The following TFIP11 variants were observed in gnomAD, a reference collection of about 807,000 sequenced individuals.
TFIP11 encodes tuftelin-interacting protein 11.
TFIP11 carries 86 observed loss-of-function variants against 96.8 expected under a neutral mutation model. The observed-to-expected ratio is 0.89, with a 90% CI of 0.75 to 1.06. The LOEUF (loss-of-function observed/expected upper bound fraction) is 1.06. Among genes scored for constraint, TFIP11 ranks in the 50% least tolerant of loss-of-function variants. The probability of loss-of-function intolerance (pLI) is 0.00; values close to 1 mark genes in which losing one functional copy is unlikely to be tolerated. For synonymous variants in TFIP11, 405 were observed against 395.2 expected (o/e 1.02, Z -0.29); for missense variants, 881 against 1,076.7 (o/e 0.82, Z 2.54).
intron 8 of TFIP11, among the ~76,000 whole-genome samples, chr22:26,501,028 C>T (rs1170423899): frequency 3.3e-5 from 5 of 151,996 alleles, no homozygotes; most frequent in African/African-American, 7.2e-5. Context: ...GGACTACAGG[C>T]GCCCACCATC....
At position 26,502,309 on chromosome 22, in the gene TFIP11, T is replaced by G. The variant is rs112182422; in HGVS notation, c.649-257A>C. Among the ~76,000 whole-genome samples, 62 of 152,294 alleles carry G rather than the reference T, an allele frequency of 4.1e-4. 2 individuals are homozygous for G. The highest frequency in any genetic ancestry group is 1.5e-3 in the African/African-American group (61 of 41,556). On this transcript the variant is annotated intron_variant, in intron 7 of 14. Coordinates refer to ENST00000407690, the MANE Select transcript of TFIP11 (RefSeq NM_012143.4). The stretch of plus-strand genomic sequence containing the variant: ...TGGGAGGGAGAAACAAAAATAAAGA[T>G]AAACGAAACAACATTTATTGAGCAT...
intron 10 of TFIP11, among the ~76,000 whole-genome samples, chr22:26,497,585 A>G (rs1025451106): frequency 6.6e-6 from 1 of 152,226 alleles, no homozygotes; most frequent in Non-Finnish European, 1.5e-5. Flanking sequence ...ACCCAGAGGA[A>G]AAGAAGTCAT....
At chr22:26,502,202 G>T in intron 7 of TFIP11, 150 bp from the exon 8 acceptor site, 1 of 886,214 alleles carries the variant, frequency 1.1e-6, no homozygotes, top group Non-Finnish European at 1.7e-6. Context: ...GCACCTGCAA[G>T]ACACCAAAAC....
chr22:26,502,208 A>G, intron 7 of TFIP11, 156 bp from the exon 8 acceptor site: 1 of 801,028 alleles, frequency 1.2e-6, no homozygotes, highest in South Asian at 1.7e-5. Flanking sequence ...GCAAGACACC[A>G]AAACTATCTA....
intron 12 of TFIP11, 98 bp downstream of exon 12, chr22:26,495,975 C>A (rs1921968990): frequency 1.3e-6 from 2 of 1,506,424 alleles, no homozygotes; most frequent in African/African-American, 2.8e-5. Flanking sequence ...TAAGCACTTT[C>A]ATGAACATAA....
chr22:26,496,131 A>G lies in TFIP11; in HGVS notation c.1791T>C (p.Asp597=). ...SAKLILQPWK[D]VFTPGSWEAF... is the part of the protein sequence containing the mutation. ...CTTCCCAGGAGCCAGGAGTGAAGACATCCTTCCAGGGCTGGAGGATGAGCT... is the reference window on the plus strand; with the variant it reads ...CTTCCCAGGAGCCAGGAGTGAAGACGTCCTTCCAGGGCTGGAGGATGAGCT... The change falls in exon 12 of 15, where the codon GAT becomes GAC. Residue 597 remains aspartate (D), a synonymous_variant. Coordinates refer to ENST00000407690, the MANE Select transcript of TFIP11 (RefSeq NM_012143.4). 1.2e-6 allele frequency: 2 copies of G among 1,613,976 alleles called. No individual in the cohort carries two copies. Among genetic ancestry groups the G allele is most frequent in the Non-Finnish European group, 1.7e-6 (2 of 1,180,026 alleles).
Position 26,497,769 on chromosome 22 carries a change from G to A in TFIP11, c.1437-880C>T, listed in dbSNP as rs376889319. On this transcript the variant is annotated intron_variant, in intron 10 of 14. Transcript: ENST00000407690. ...CGAGCGCCTGTAGTCCCAGCTACTC[G>A]AGAGGCTGAGGCAGGAGAATCGCTT... is the stretch of plus-strand genomic sequence containing the variant. 2.6e-5 allele frequency among the ~76,000 whole-genome samples: 4 copies of A among 151,330 alleles called. No homozygotes were observed. In the East Asian group the frequency reaches 5.8e-4, roughly 22 times the overall value.
At chr22:26,495,561 T>TAC (rs1317508100) in intron 12 of TFIP11, among the ~76,000 whole-genome samples, 1 of 78,382 alleles carries the variant, frequency 1.3e-5, no homozygotes, top group East Asian at 3.4e-4. Flanking sequence ...TGTATATATA[T>TAC]ACACATATAT....
chr22:26,500,257 C>A (rs1922610346), intron 8 of TFIP11, among the ~76,000 whole-genome samples: 3 of 152,182 alleles, frequency 2.0e-5, no homozygotes, highest in Admixed American at 1.3e-4. Context: ...GCAAGCTCCG[C>A]CTCCTGGGTT....
chr22:26,495,763 C>T (rs1847789167), intron 12 of TFIP11, among the ~76,000 whole-genome samples: 1 of 151,250 alleles, frequency 6.6e-6, no homozygotes, highest in Non-Finnish European at 1.5e-5. Context: ...AGTAAAATAC[C>T]ACAAAAATTT....
chr22:26,506,950 C>T, intron 4 of TFIP11, 22 bp from the exon 5 acceptor site: 2 of 1,609,694 alleles, frequency 1.2e-6, no homozygotes, highest in East Asian at 2.2e-5. Flanking sequence ...GAAACAAAGC[C>T]CCACCAGGTC....
At position 26,496,750 on chromosome 22, in the gene TFIP11, G is replaced by A; in HGVS notation, c.1576C>T (p.Gln526Ter). ...TTTTGCAGCTTGGGGAAGATGAGTT[G>A]GTCCAGTATGTTATCTAAGATCCAC... ...PVWILDNILD[Q>*]LIFPKLQKEV... is the part of the protein sequence containing the mutation. Residue 526 changes from glutamine to a stop codon, truncating the protein, a stop_gained, in exon 11 of 15, where the codon CAA (glutamine) becomes TAA (stop). Coordinates refer to ENST00000407690, the MANE Select transcript of TFIP11 (RefSeq NM_012143.4). LOFTEE classifies it high-confidence loss of function. 6.2e-7 allele frequency: 1 copy of A among 1,610,840 alleles called. No individual in the cohort carries two copies. Among genetic ancestry groups the A allele is most frequent in the South Asian group, 1.1e-5 (1 of 90,710 alleles).
rs1921976450 is a variant in TFIP11 at position 26,496,018 on chromosome 22, A to C, written c.1849+55T>G. ...GCTTTAAATCATCACTGCTAACCACAGAAACCAGGGCACCAAAGCTGCTGG... is the reference window on the plus strand; with the variant it reads ...GCTTTAAATCATCACTGCTAACCACCGAAACCAGGGCACCAAAGCTGCTGG... On this transcript the variant is annotated intron_variant, in intron 12 of 14. Coordinates refer to ENST00000407690, the MANE Select transcript of TFIP11 (RefSeq NM_012143.4). The C allele has an allele frequency of 7.6e-6, 12 of 1,589,042 alleles. No homozygotes were observed. The South Asian group carries it at 1.4e-4, about 18-fold the overall frequency.
chr22:26,511,750 C>T (rs1272108534), intron 2 of TFIP11: 1 of 152,206 alleles, frequency 6.6e-6, no homozygotes, highest in East Asian at 1.9e-4. Context: ...ACTCTGGTCA[C>T]CTCTGGCAAA....
At chr22:26,498,173 G>A (rs575457262) in intron 10 of TFIP11, among the ~76,000 whole-genome samples, 5 of 152,336 alleles carry the variant, frequency 3.3e-5, no homozygotes, top group Admixed American at 2.0e-4. Flanking sequence ...TAAGTTATGA[G>A]GATGCAAAGG....
rs755480670 is a variant in TFIP11, at chr22:26,503,661, G to GT, written c.648+4dup. ...ATCCACCCATGTCTCCTGACTTCCA[G>GT]TTACCTCTTCAGCTTCTTCCTCTGA... On this transcript the variant is annotated splice_donor_region_variant and intron_variant, in intron 7 of 14. Transcript: ENST00000407690. 1 of 1,613,890 alleles carries GT rather than the reference G, an allele frequency of 6.2e-7. No individual in the cohort carries two copies. The highest frequency in any genetic ancestry group is 8.5e-7 in the Non-Finnish European group (1 of 1,179,948).
chr22:26,495,640 G>GTA (rs1921903631), intron 12 of TFIP11, among the ~76,000 whole-genome samples: 1 of 41,724 alleles, frequency 2.4e-5, no homozygotes, highest in Non-Finnish European at 6.0e-5. Flanking sequence ...ATATACATGT[G>GTA]TATATATACA....
rs376723442 is a variant in TFIP11, at chr22:26,494,954, C to T, written c.1850-15G>A. 211 of 1,613,976 alleles carry T rather than the reference C, an allele frequency of 1.3e-4. No homozygotes were observed. Among genetic ancestry groups the T allele is most frequent in the Admixed American group, 2.3e-4 (14 of 59,994 alleles). Reference sequence around the variant, plus strand: ...AAGACACATCCCTGGAAGAGAAACCCGGTCTGTAAGGCACAGCTTTAGTAC... The same window carrying T: ...AAGACACATCCCTGGAAGAGAAACCTGGTCTGTAAGGCACAGCTTTAGTAC... On this transcript the variant is annotated splice_polypyrimidine_tract_variant and intron_variant, in intron 12 of 14. Coordinates refer to ENST00000407690, the MANE Select transcript of TFIP11 (RefSeq NM_012143.4).
In TFIP11 at chr22:26,506,326, C is replaced by T. The variant is rs777122131; in HGVS notation, c.497G>A (p.Arg166Gln). 1.3e-5 allele frequency: 21 copies of T among 1,607,988 alleles called. No individual in the cohort carries two copies. The highest frequency in any genetic ancestry group is 4.5e-5 in the South Asian group (4 of 89,684). The change falls in exon 6 of 15, where the codon CGG becomes CAG. Residue 166 changes from arginine to glutamine, a missense_variant. Coordinates refer to ENST00000407690, the MANE Select transcript of TFIP11 (RefSeq NM_012143.4). The part of the protein sequence containing the change: ...LLQKMGYVPG[R>Q]GLGKNAQGII... ...ACCTTGTGCATTCTTCCCGAGGCCCCGTCCAGGGACGTAGCCCATCTTCTG... is the reference window on the plus strand; with the variant it reads ...ACCTTGTGCATTCTTCCCGAGGCCCTGTCCAGGGACGTAGCCCATCTTCTG...
Sources: allele counts gnomAD v4.1 joint callset (sites outside exome capture counted in the v4.1 genomes callset), GRCh38; gene constraint gnomAD v4.1.1; transcripts MANE v1.5; gene names NCBI Gene and HGNC (gene_info 2026-07-23, HGNC 2026-07-21).